LHX8: variants seen among roughly 807,000 people sequenced by gnomAD.
LHX8 encodes the protein LIM homeobox 8.
LHX8 carries 12 observed loss-of-function variants against 40.3 expected under a neutral mutation model. The ratio of observed to expected loss-of-function variants is 0.30; its 90% CI spans 0.19 to 0.48. The LOEUF is 0.48. Ranked by LOEUF, LHX8 falls within the 20% of genes least tolerant of loss-of-function variation. The pLI is 0.99. For missense variants in LHX8, 344 were observed against 433.7 expected (o/e 0.79, Z 1.84); for synonymous variants, 179 against 162.0 (o/e 1.10, Z -0.80).
chr1:75,170,423 C>G, the LHX8 span, among the ~76,000 whole-genome samples: 1 of 152,168 alleles, frequency 6.6e-6, no homozygotes, highest in Non-Finnish European at 1.5e-5. Context: ...ACAAAGCCAG[C>G]TTCCCTATAA....
chr1:75,135,620 G>A (rs1321176023), intron 1 of LHX8, among the ~76,000 whole-genome samples: 2 of 152,174 alleles, frequency 1.3e-5, no homozygotes, highest in Non-Finnish European at 2.9e-5. Context: ...GTACCCACCC[G>A]CCCCCGAGCT....
At chr1:75,186,447 T>C in the LHX8 span, among the ~76,000 whole-genome samples, 1 of 152,156 alleles carries the variant, frequency 6.6e-6, no homozygotes, top group Non-Finnish European at 1.5e-5. Context: ...GGGAAAGGAC[T>C]CCCTATTCAG....
intron 3 of LHX8, 135 bp downstream of exon 3, chr1:75,137,396 A>G (rs904477900): frequency 1.2e-5 from 10 of 860,508 alleles, no homozygotes; most frequent in Admixed American, 2.2e-5. Context: ...GCAGAAAATC[A>G]GCCCAGTTTA....
chr1:75,164,106 A>G (rs1648984883), downstream of LHX8, among the ~76,000 whole-genome samples: 1 of 152,250 alleles, frequency 6.6e-6, no homozygotes, highest in African/African-American at 2.4e-5. Flanking sequence ...CTGCTTGAAT[A>G]AAACAATTTT....
chr1:75,176,316 C>T, the LHX8 span, among the ~76,000 whole-genome samples: 1 of 152,226 alleles, frequency 6.6e-6, no homozygotes, highest in Non-Finnish European at 1.5e-5. Context: ...TATATCTCCA[C>T]ATCCTCTCCA....
chr1:75,171,480 A>C, the LHX8 span, among the ~76,000 whole-genome samples: 1 of 152,000 alleles, frequency 6.6e-6, no homozygotes, highest in Non-Finnish European at 1.5e-5. Context: ...ACCTGCATGG[A>C]TGCAAATGCT....
intron 3 of LHX8, among the ~76,000 whole-genome samples, chr1:75,137,738 C>A (rs1021586543): frequency 1.3e-5 from 2 of 152,166 alleles, no homozygotes; most frequent in East Asian, 3.9e-4. Context: ...TTAACTGATT[C>A]CCTTTTGCAG....
At chr1:75,145,449 T>C (rs1454755759) in intron 6 of LHX8, among the ~76,000 whole-genome samples, 2 of 152,176 alleles carry the variant, frequency 1.3e-5, no homozygotes, top group Non-Finnish European at 2.9e-5. Context: ...CCACTGTAGA[T>C]AGACACTTTT....
chr1:75,189,147 G>T, the LHX8 span, among the ~76,000 whole-genome samples: 1 of 152,144 alleles, frequency 6.6e-6, no homozygotes, highest in Admixed American at 6.6e-5. Flanking sequence ...TATTTCCCAA[G>T]ATATCTTTAT....
At chr1:75,137,064 G>A (rs765261814) in intron 2 of LHX8, 36 bp from the exon 3 acceptor site, 2 of 1,578,388 alleles carry the variant, frequency 1.3e-6, no homozygotes, top group African/African-American at 1.3e-5. Context: ...GGGGAGGAGG[G>A]GTCTAGAACC....
chr1:75,183,742 C>A, the LHX8 span, among the ~76,000 whole-genome samples: 1 of 152,176 alleles, frequency 6.6e-6, no homozygotes, highest in Non-Finnish European at 1.5e-5. Context: ...AACCACCTAA[C>A]AACAGAATGA....
the LHX8 span, among the ~76,000 whole-genome samples, chr1:75,199,142 G>A: frequency 5.9e-5 from 9 of 152,124 alleles, no homozygotes. Context: ...CTTATGATTT[G>A]CTATTGAGTT....
the LHX8 span, among the ~76,000 whole-genome samples, chr1:75,167,334 T>C: frequency 6.6e-6 from 1 of 152,220 alleles, no homozygotes; most frequent in Non-Finnish European, 1.5e-5. Context: ...TGTGATAAGA[T>C]AGTACATATA....
At chr1:75,171,578 T>G in the LHX8 span, among the ~76,000 whole-genome samples, 1 of 152,194 alleles carries the variant, frequency 6.6e-6, no homozygotes, top group Non-Finnish European at 1.5e-5. Flanking sequence ...AGCTGACAAC[T>G]GAGGATAAAG....
At chr1:75,180,338 A>C in the LHX8 span, among the ~76,000 whole-genome samples, 1 of 152,166 alleles carries the variant, frequency 6.6e-6, no homozygotes. Context: ...AATCAAACAT[A>C]GGTTTGTTCT....
the LHX8 span, among the ~76,000 whole-genome samples, chr1:75,177,535 A>T: frequency 1.8e-4 from 27 of 152,152 alleles, no homozygotes; most frequent in Non-Finnish European, 3.7e-4. Flanking sequence ...GTATCCTGAG[A>T]CTTTGCTGAA....
chr1:75,196,581 C>A, the LHX8 span, among the ~76,000 whole-genome samples: 1 of 152,026 alleles, frequency 6.6e-6, no homozygotes, highest in Admixed American at 6.6e-5. Context: ...AAACCTAATG[C>A]TTGGCTCAGT....
At chr1:75,176,459 A>G in the LHX8 span, among the ~76,000 whole-genome samples, 15 of 152,330 alleles carry the variant, frequency 9.8e-5, no homozygotes, top group East Asian at 2.7e-3. Context: ...TGTTGGCTGC[A>G]TAAATGTCTT....
At chr1:75,191,664 TC>T in the LHX8 span, among the ~76,000 whole-genome samples, 1 of 152,196 alleles carries the variant, frequency 6.6e-6, no homozygotes, top group Non-Finnish European at 1.5e-5. Flanking sequence ...GTGTGTCTTT[TC>T]CTGTCTCCTG....
Sources: gnomAD v4.1 joint callset for allele counts (sites outside exome capture counted in the v4.1 genomes callset) on GRCh38, gnomAD v4.1.1 for gene constraint, MANE v1.5 for transcripts, NCBI Gene and HGNC (gene_info 2026-07-23, HGNC 2026-07-21) for gene names.